STK17A: variants seen among roughly 807,000 people sequenced by gnomAD.
STK17A encodes the protein serine/threonine-protein kinase 17A.
A neutral mutation model predicts 43.7 loss-of-function variants in STK17A; 26 were observed. The ratio of observed to expected loss-of-function variants is 0.60; its 90% CI spans 0.44 to 0.83. The LOEUF (loss-of-function observed/expected upper bound fraction) is 0.83. Among genes scored for constraint, STK17A ranks in the 40% least tolerant of loss-of-function variants. STK17A has a pLI of 0.00. For synonymous variants in STK17A, 191 were observed against 182.5 expected (o/e 1.05, Z -0.38); for missense variants, 476 against 511.6 (o/e 0.93, Z 0.67).
At chr7:43,586,406 C>T (rs933708372) in intron 1 of STK17A, among the ~76,000 whole-genome samples, 1 of 151,550 alleles carries the variant, frequency 6.6e-6, no homozygotes, top group Non-Finnish European at 1.5e-5. Flanking sequence ...TGCATTCTTT[C>T]ATGTCTCCAA....
chr7:43,592,774 G>A (rs1036610675), intron 1 of STK17A, among the ~76,000 whole-genome samples: 7 of 152,180 alleles, frequency 4.6e-5, no homozygotes, highest in African/African-American at 1.7e-4. Flanking sequence ...GCTGAGGCAT[G>A]AGAATTGCTT....
intron 6 of STK17A, 107 bp from the exon 7 acceptor site, chr7:43,624,411 C>A: frequency 2.6e-6 from 3 of 1,153,300 alleles, no homozygotes; most frequent in Non-Finnish European, 3.5e-6. Context: ...AGATTTTTGC[C>A]AACTTGTCAG....
rs547942846 is a variant in STK17A at position 43,616,929 on chromosome 7, G to A, written c.565-2668G>A. 5.4e-4 allele frequency among the ~76,000 whole-genome samples: 82 copies of A among 152,272 alleles called. 1 individual carries two copies. Among genetic ancestry groups the A allele is most frequent in the African/African-American group, 1.9e-3 (78 of 41,572 alleles). The stretch of plus-strand genomic sequence containing the variant: ...GAGGGACCATCTATGCCTCAATTTC[G>A]TTTTTCATATTGTAGCCCCTCTCAT... On this transcript the variant is annotated intron_variant, in intron 3 of 6. Transcript: ENST00000319357.
chr7:43,614,266 C>G (rs530379514), intron 3 of STK17A, among the ~76,000 whole-genome samples: 1 of 152,206 alleles, frequency 6.6e-6, no homozygotes, highest in Non-Finnish European at 1.5e-5. Context: ...CATCTATTTA[C>G]GGACCGTCTG....
intron 2 of STK17A, 84 bp from the exon 3 acceptor site, chr7:43,608,172 G>A: frequency 7.5e-7 from 1 of 1,337,920 alleles, no homozygotes; most frequent in Non-Finnish European, 1.0e-6. Flanking sequence ...CTGCCAGACT[G>A]TAATTAATTT....
chr7:43,606,916 CTTTTTTTTTTTTTTTT>C (rs71011933), intron 2 of STK17A, among the ~76,000 whole-genome samples: 2 of 62,648 alleles, frequency 3.2e-5, no homozygotes, highest in African/African-American at 1.6e-4. Flanking sequence ...TTTCGATTTT[CTTTTTTTTTTTTTTTT>C]TTTTTTTTGA....
chr7:43,615,680 T>C (rs940606811), intron 3 of STK17A, among the ~76,000 whole-genome samples: 1 of 152,072 alleles, frequency 6.6e-6, no homozygotes, highest in Non-Finnish European at 1.5e-5. Context: ...GCCATTTCCT[T>C]TCCAACCTCA....
rs757416044 is a variant in STK17A at position 43,596,133 on chromosome 7, G to C, written c.419+20G>C. The C allele has an allele frequency of 5.0e-6, 8 of 1,591,506 alleles. No homozygotes were observed. Among genetic ancestry groups the C allele is most frequent in the Non-Finnish European group, 6.9e-6 (8 of 1,166,038 alleles). ...GGAATAGTAAGTATTGTCTTTCTTA[G>C]ATTAAGTTTGTTTGGTAGTCTACAC... is the stretch of plus-strand genomic sequence containing the variant. On this transcript the variant is annotated intron_variant, in intron 2 of 6. Coordinates refer to ENST00000319357, the MANE Select transcript of STK17A (RefSeq NM_004760.3).
intron 4 of STK17A, among the ~76,000 whole-genome samples, chr7:43,621,212 C>G (rs1400638828): frequency 6.6e-6 from 1 of 152,174 alleles, no homozygotes; most frequent in Non-Finnish European, 1.5e-5. Flanking sequence ...CAGAAACAAC[C>G]TTTAAAATTT....
intron 1 of STK17A, among the ~76,000 whole-genome samples, chr7:43,585,967 G>A (rs552749294): frequency 1.3e-5 from 2 of 151,746 alleles, no homozygotes; most frequent in Admixed American, 6.6e-5. Flanking sequence ...TTGTGTATAA[G>A]CAGTCCTTGT....
At chr7:43,601,574 C>CT (rs1259462388) in intron 2 of STK17A, among the ~76,000 whole-genome samples, 2 of 152,186 alleles carry the variant, frequency 1.3e-5, no homozygotes, top group Non-Finnish European at 2.9e-5. Context: ...GCCTTTCATC[C>CT]TGGGACCCAT....
At chr7:43,619,795 A>G (rs2083689989) in intron 4 of STK17A, 72 bp downstream of exon 4, 7 of 1,554,872 alleles carry the variant, frequency 4.5e-6, no homozygotes, top group Non-Finnish European at 6.1e-6. Context: ...TCCATGTGGC[A>G]TGACTCATAG....
rs535909774 is a variant in STK17A, at chr7:43,587,162, T to G, written c.206+3713T>G. 2.8e-4 allele frequency among the ~76,000 whole-genome samples: 40 copies of G among 143,386 alleles called. 2 individuals are homozygous for G. Among genetic ancestry groups the G allele is most frequent in the East Asian group, 2.5e-3 (13 of 5,110 alleles). The allele number at this position is 143,386 out of a possible 152,430, so 94.1% of individuals were successfully genotyped here. On this transcript the variant is annotated intron_variant, in intron 1 of 6. Transcript: ENST00000319357. Reference sequence around the variant, plus strand: ...TGTTTTTATTGTTTTTTGTTTTTTTTTTTTTTTTTTGAGATGGAGTCTCGC... The same window carrying G: ...TGTTTTTATTGTTTTTTGTTTTTTTGTTTTTTTTTTGAGATGGAGTCTCGC...
At chr7:43,604,767 T>C (rs1182992036) in intron 2 of STK17A, among the ~76,000 whole-genome samples, 2 of 152,188 alleles carry the variant, frequency 1.3e-5, no homozygotes, top group Non-Finnish European at 2.9e-5. Flanking sequence ...TTTTCTAATA[T>C]TTTCCTACCC....
At chr7:43,586,586 G>A (rs967002694) in intron 1 of STK17A, among the ~76,000 whole-genome samples, 1 of 151,348 alleles carries the variant, frequency 6.6e-6, no homozygotes, top group African/African-American at 2.4e-5. Flanking sequence ...ATGACCTTGG[G>A]TTCTGATAAT....
chr7:43,626,269 C>G lies in STK17A; in HGVS notation c.*1427C>G, dbSNP rs534021297. The G allele has an allele frequency of 5.3e-5, 8 of 152,300 alleles. No homozygotes were observed. In the East Asian group the frequency reaches 1.3e-3, roughly 26 times the overall value. The allele number at this position is 152,300 out of a possible 1,614,324, so 9.4% of individuals were successfully genotyped here. On this transcript the variant is annotated 3_prime_UTR_variant, in exon 7 of 7. Transcript: ENST00000319357. Reference sequence around the variant, plus strand: ...GTCAAAATCATGAAAATGACAGCACCTAACCACTATTTTAAAGTATGTACA... The same window carrying G: ...GTCAAAATCATGAAAATGACAGCACGTAACCACTATTTTAAAGTATGTACA...
rs941054838 is a variant in STK17A at position 43,587,270 on chromosome 7, T to C, written c.206+3821T>C. On this transcript the variant is annotated intron_variant, in intron 1 of 6. Coordinates refer to ENST00000319357, the MANE Select transcript of STK17A (RefSeq NM_004760.3). The stretch of plus-strand genomic sequence containing the variant: ...CCTGGGTTCACGCCATTCTCCTGCC[T>C]CAGCCTCCCGAGTAGCTGGGACTAT... Among the ~76,000 whole-genome samples the C allele has an allele frequency of 6.9e-5, 10 of 145,910 alleles. No individual in the cohort carries two copies. The Admixed American group carries it at 7.1e-4, about 10-fold the overall frequency.
chr7:43,611,678 T>C (rs947013115), intron 3 of STK17A, among the ~76,000 whole-genome samples: 1 of 152,210 alleles, frequency 6.6e-6, no homozygotes, highest in Non-Finnish European at 1.5e-5. Flanking sequence ...GCTAATACTT[T>C]AAGTATTAGC....
At position 43,583,162 on chromosome 7, in the gene STK17A, C is replaced by A; in HGVS notation, c.-82C>A. The stretch of plus-strand genomic sequence containing the variant: ...GGTGTTTGAAGGCTCCGCGGACCGG[C>A]ACTAGGAGCCGGGGGCGGGTCCGTG... On this transcript the variant is annotated 5_prime_UTR_variant, in exon 1 of 7. Transcript: ENST00000319357. 1 of 1,448,446 alleles carries A rather than the reference C, an allele frequency of 6.9e-7. No homozygotes were observed. The allele number at this position is 1,448,446 out of a possible 1,614,324, so 89.7% of individuals were successfully genotyped here. A position where few individuals can be genotyped will look rare whatever the true frequency, so the allele number is the denominator to read the frequency against.
Sources: allele counts gnomAD v4.1 joint callset (sites outside exome capture counted in the v4.1 genomes callset), GRCh38; gene constraint gnomAD v4.1.1; transcripts MANE v1.5; gene names NCBI Gene and HGNC (gene_info 2026-07-23, HGNC 2026-07-21).